Variants in PDLIM5 observed in about 807,000 individuals in gnomAD.
The protein encoded by PDLIM5 is PDZ and LIM domain 5.
A neutral mutation model predicts 64.2 loss-of-function variants in PDLIM5; 34 were observed. That is an observed-to-expected ratio of 0.53 (90% CI 0.40 to 0.71). PDLIM5 has a LOEUF of 0.71. Among genes scored for constraint, PDLIM5 ranks in the 30% least tolerant of loss-of-function variants. PDLIM5 has a pLI of 0.00. For missense variants in PDLIM5, 683 were observed against 733.6 expected (o/e 0.93, Z 0.80); for synonymous variants, 253 against 269.1 (o/e 0.94, Z 0.59).
chr4:94,555,137 T>A (rs564931837), intron 3 of PDLIM5, among the ~76,000 whole-genome samples: 1 of 152,296 alleles, frequency 6.6e-6, no homozygotes, highest in African/African-American at 2.4e-5. Flanking sequence ...CACTGCAACC[T>A]CCGCCTCCCG....
intron 8 of PDLIM5, among the ~76,000 whole-genome samples, chr4:94,627,714 C>T (rs1739811731): frequency 6.6e-6 from 1 of 152,202 alleles, no homozygotes; most frequent in South Asian, 2.1e-4. Context: ...AATATTTATT[C>T]TCTGGCTCTT....
intron 3 of PDLIM5, among the ~76,000 whole-genome samples, chr4:94,559,031 T>C (rs975791958): frequency 4.6e-5 from 7 of 152,136 alleles, no homozygotes; most frequent in South Asian, 4.1e-4. Context: ...AAGGAAAATA[T>C]AGGATAAGGA....
At chr4:94,476,751 G>T (rs956658930) in intron 2 of PDLIM5, among the ~76,000 whole-genome samples, 1 of 152,162 alleles carries the variant, frequency 6.6e-6, no homozygotes, top group Non-Finnish European at 1.5e-5. Context: ...CCCAACTCTT[G>T]AGAGTTTGGA....
At chr4:94,537,841 AT>A (rs1731446352) in intron 3 of PDLIM5, among the ~76,000 whole-genome samples, 1 of 152,186 alleles carries the variant, frequency 6.6e-6, no homozygotes, top group Non-Finnish European at 1.5e-5. Flanking sequence ...TAATGTAATG[AT>A]TTGTCTGCAC....
chr4:94,501,391 A>G (rs1004484476), intron 2 of PDLIM5, among the ~76,000 whole-genome samples: 2 of 152,104 alleles, frequency 1.3e-5, no homozygotes, highest in African/African-American at 4.8e-5. Context: ...GCCTAATTTT[A>G]TGGCATTGAG....
intron 3 of PDLIM5, among the ~76,000 whole-genome samples, chr4:94,548,990 A>T (rs1338880095): frequency 1.7e-5 from 2 of 115,916 alleles, no homozygotes; most frequent in African/African-American, 6.5e-5. Context: ...AAAAGAAAAA[A>T]AAAAGGCCTT....
At chr4:94,621,566 C>T (rs1739244100) in intron 8 of PDLIM5, among the ~76,000 whole-genome samples, 1 of 152,172 alleles carries the variant, frequency 6.6e-6, no homozygotes, top group Non-Finnish European at 1.5e-5. Flanking sequence ...CAGTGGAGGA[C>T]AGAAAGTTTA....
At chr4:94,504,110 T>C (rs1413865599) in intron 2 of PDLIM5, among the ~76,000 whole-genome samples, 2 of 152,190 alleles carry the variant, frequency 1.3e-5, no homozygotes, top group Non-Finnish European at 2.9e-5. Context: ...TATTTTAGTA[T>C]TTTCTTTTGA....
In PDLIM5 at chr4:94,597,221, G is replaced by A. The variant is rs1379877746; in HGVS notation, c.920+10777G>A. The stretch of plus-strand genomic sequence containing the variant: ...TGTCTTCAGGTAGCTGTGTATCATT[G>A]GTTAGACAGTGAGTGAACTTGAAGC... On this transcript the variant is annotated intron_variant, in intron 7 of 12. Coordinates refer to ENST00000317968, the MANE Select transcript of PDLIM5 (RefSeq NM_006457.5). Among the ~76,000 whole-genome samples, 8 of 152,182 alleles carry A rather than the reference G, an allele frequency of 5.3e-5. No homozygotes were observed. The South Asian group carries it at 8.3e-4, about 16-fold the overall frequency.
At chr4:94,635,213 GA>G (rs1204237772) in intron 8 of PDLIM5, among the ~76,000 whole-genome samples, 2 of 150,556 alleles carry the variant, frequency 1.3e-5, no homozygotes, top group African/African-American at 2.4e-5. Context: ...TGGTACAAAA[GA>G]AAAAAAAAGT....
chr4:94,473,265 T>C (rs1725035326), intron 2 of PDLIM5, among the ~76,000 whole-genome samples: 1 of 152,156 alleles, frequency 6.6e-6, no homozygotes, highest in Admixed American at 6.5e-5. Flanking sequence ...TTTATTTTTT[T>C]TATTTTTATT....
At chr4:94,626,533 G>A (rs1462980954) in intron 8 of PDLIM5, among the ~76,000 whole-genome samples, 1 of 152,284 alleles carries the variant, frequency 6.6e-6, no homozygotes, top group East Asian at 1.9e-4. Context: ...GGATGGGATA[G>A]AAAGGATTCT....
At chr4:94,640,226 G>T in intron 8 of PDLIM5, 50 bp from the exon 9 acceptor site, 1 of 928,694 alleles carries the variant, frequency 1.1e-6, no homozygotes, top group South Asian at 1.8e-5. Flanking sequence ...TGTTAGGAAA[G>T]GTTTATATGT....
chr4:94,510,650 C>T (rs1728786921), intron 2 of PDLIM5, among the ~76,000 whole-genome samples: 2 of 152,030 alleles, frequency 1.3e-5, no homozygotes, highest in Admixed American at 1.3e-4. Context: ...ATCTTAGACC[C>T]AGAGCTGATT....
intron 3 of PDLIM5, among the ~76,000 whole-genome samples, chr4:94,534,355 C>T (rs1179161044): frequency 6.6e-6 from 1 of 152,072 alleles, no homozygotes; most frequent in African/African-American, 2.4e-5. Context: ...AAAACCCTTC[C>T]TCAGGACTAC....
intron 7 of PDLIM5, chr4:94,588,046 G>A (rs1293824755): frequency 1.6e-5 from 14 of 891,630 alleles, no homozygotes; most frequent in Non-Finnish European, 1.9e-5. Flanking sequence ...GTAATATAGT[G>A]TATTATATAT....
At chr4:94,452,396 C>CT (rs1722935600) in intron 1 of PDLIM5, among the ~76,000 whole-genome samples, 1 of 152,196 alleles carries the variant, frequency 6.6e-6, no homozygotes, top group African/African-American at 2.4e-5. Flanking sequence ...GGTGTGGTGT[C>CT]TGAGTGCCCA....
At chr4:94,528,487 CTT>C (rs944964576) in intron 3 of PDLIM5, among the ~76,000 whole-genome samples, 2 of 152,138 alleles carry the variant, frequency 1.3e-5, no homozygotes, top group African/African-American at 2.4e-5. Context: ...CAAGAAGACT[CTT>C]TAAGAGCAAA....
intron 8 of PDLIM5, 89 bp downstream of exon 8, chr4:94,618,280 T>A: frequency 1.2e-6 from 1 of 800,560 alleles, no homozygotes; most frequent in Non-Finnish European, 1.9e-6. Context: ...AATTCACTGG[T>A]AAAACCCATT....
Sources: allele counts gnomAD v4.1 joint callset (sites outside exome capture counted in the v4.1 genomes callset), GRCh38; gene constraint gnomAD v4.1.1; transcripts MANE v1.5; gene names NCBI Gene and HGNC (gene_info 2026-07-23, HGNC 2026-07-21).